Variants in TTBK2 observed in about 807,000 individuals in gnomAD.
TTBK2 encodes tau tubulin kinase 2.
A neutral mutation model predicts 110.8 loss-of-function variants in TTBK2; 28 were observed. The observed-to-expected ratio is 0.25, with a 90% CI of 0.19 to 0.35. The LOEUF is 0.35. Ranked by LOEUF, TTBK2 falls within the 10% of genes least tolerant of loss-of-function variation. The probability of loss-of-function intolerance (pLI) is 1.00; values close to 1 mark genes in which losing one functional copy is unlikely to be tolerated. For synonymous variants in TTBK2, 532 were observed against 527.3 expected (o/e 1.01, Z -0.12); for missense variants, 1,369 against 1,500.3 (o/e 0.91, Z 1.45).
intron 3 of TTBK2, among the ~76,000 whole-genome samples, chr15:42,851,007 C>G (rs554145062): frequency 4.6e-5 from 7 of 151,446 alleles, no homozygotes; most frequent in African/African-American, 1.7e-4. Flanking sequence ...GGGTGGATCA[C>G]GAGGTCAGGA....
At chr15:42,908,244 G>C (rs2030528728) in intron 1 of TTBK2, 1 of 152,254 alleles carries the variant, frequency 6.6e-6, no homozygotes, top group Admixed American at 6.5e-5. Flanking sequence ...GGGAAGTTGA[G>C]GTGGGAAGAC....
intron 2 of TTBK2, among the ~76,000 whole-genome samples, chr15:42,875,673 G>A (rs769725758): frequency 1.3e-5 from 2 of 151,980 alleles, no homozygotes; most frequent in Non-Finnish European, 2.9e-5. Context: ...TTGGGAGGTC[G>A]AGTCAGGTGA....
At chr15:42,837,229 G>A (rs555978196) in intron 4 of TTBK2, among the ~76,000 whole-genome samples, 98 of 151,700 alleles carry the variant, frequency 6.5e-4, no homozygotes, top group East Asian at 1.9e-4. Context: ...GTGGCGGCGC[G>A]CACCTGCAGT....
chr15:42,763,186 ATATATATTTTTTTTTTTTTTTTTT>A (rs1889171707), intron 13 of TTBK2, among the ~76,000 whole-genome samples: 2 of 24,368 alleles, frequency 8.2e-5, no homozygotes, highest in Admixed American at 7.6e-4. Context: ...ATATATATAT[ATATATATTTTTTTTTTTTTTTTTT>A]TTTTTTTTTT....
intron 3 of TTBK2, among the ~76,000 whole-genome samples, chr15:42,870,914 A>C (rs756869481): frequency 6.6e-6 from 1 of 152,324 alleles, no homozygotes; most frequent in Middle Eastern, 3.4e-3. Flanking sequence ...CATCAATTTA[A>C]AAATCAACAA....
intron 3 of TTBK2, 32 bp from the exon 4 acceptor site, chr15:42,840,465 T>C: frequency 6.4e-7 from 1 of 1,565,822 alleles, no homozygotes; most frequent in Non-Finnish European, 8.8e-7. Context: ...TGGAAAAGAA[T>C]ATACTATGGT....
intron 2 of TTBK2, among the ~76,000 whole-genome samples, chr15:42,877,573 G>C (rs1049577376): frequency 7.2e-5 from 11 of 152,130 alleles, no homozygotes; most frequent in Non-Finnish European, 1.6e-4. Context: ...GTTTTATTTG[G>C]ATCTTGATTC....
In TTBK2 at chr15:42,811,585, A is replaced by T. The variant is rs1891722985; in HGVS notation, c.696+103T>A. On this transcript the variant is annotated intron_variant, in intron 8 of 14. Transcript: ENST00000267890. The stretch of plus-strand genomic sequence containing the variant: ...ATTGGGACATAGTGAAAATGCTTGT[A>T]GATTTTAAGTCTTATACATAAGTAT... 1.9e-5 allele frequency: 16 copies of T among 863,858 alleles called. No individual in the cohort carries two copies. In the South Asian group the frequency reaches 2.2e-4, roughly 12 times the overall value. The allele number at this position is 863,858 out of a possible 1,614,324, so 53.5% of individuals were successfully genotyped here. A position where few individuals can be genotyped will look rare whatever the true frequency, so the allele number is the denominator to read the frequency against.
intron 3 of TTBK2, among the ~76,000 whole-genome samples, chr15:42,841,040 G>A (rs1893199153): frequency 6.6e-6 from 1 of 152,072 alleles, no homozygotes; most frequent in South Asian, 2.1e-4. Flanking sequence ...ATTGGTTAGT[G>A]TTTTTCAACC....
Position 42,775,361 on chromosome 15 carries a change from G to A in TTBK2, c.1772C>T (p.Ala591Val). 1.9e-6 allele frequency: 3 copies of A among 1,614,224 alleles called. No individual in the cohort carries two copies. The highest frequency in any genetic ancestry group is 1.7e-6 in the Non-Finnish European group (2 of 1,180,040). ...CTGGAGCTTTTCATCTTGAGGTGATGCCTCCAGGACTTGAAGTACTTCAGG... is the reference window on the plus strand; with the variant it reads ...CTGGAGCTTTTCATCTTGAGGTGATACCTCCAGGACTTGAAGTACTTCAGG... ...EEPEVLQVLEASPQDEKLQLG... is the reference protein window; with the variant it reads ...EEPEVLQVLEVSPQDEKLQLG... The change falls in exon 13 of 15, where the codon GCA (alanine) becomes GTA (valine). Residue 591 changes from alanine (A) to valine (V), a missense_variant. Physicochemically the swap from Ala to Val is moderately conservative, Grantham distance 64 (BLOSUM62 0). Around this residue, in one of 4 missense-constraint regions of TTBK2, gnomAD observed 1,097 missense variants for 1,114.7 expected, o/e 0.98. Transcript: ENST00000267890.
chr15:42,894,530 T>C (rs981535152), intron 1 of TTBK2, among the ~76,000 whole-genome samples: 2 of 152,098 alleles, frequency 1.3e-5, no homozygotes, highest in Non-Finnish European at 2.9e-5. Context: ...GGCGGGTGGA[T>C]TTCTTGAGCC....
intron 4 of TTBK2, among the ~76,000 whole-genome samples, chr15:42,832,731 C>T (rs1430534091): frequency 2.0e-5 from 3 of 152,120 alleles, no homozygotes; most frequent in Non-Finnish European, 2.9e-5. Context: ...CATCCTGCTC[C>T]GTCAGGCCCA....
chr15:42,765,432 T>C (rs556505380), intron 13 of TTBK2, among the ~76,000 whole-genome samples: 13 of 152,284 alleles, frequency 8.5e-5, no homozygotes, highest in African/African-American at 3.1e-4. Flanking sequence ...AATGACCTGA[T>C]GGAGCTGAAA....
At chr15:42,855,517 T>G (rs1187606136) in intron 3 of TTBK2, among the ~76,000 whole-genome samples, 1 of 152,192 alleles carries the variant, frequency 6.6e-6, no homozygotes, top group Non-Finnish European at 1.5e-5. Context: ...CAGAAGCCAA[T>G]GCAAAAGAGC....
chr15:42,879,863 T>G (rs942896112), intron 1 of TTBK2, among the ~76,000 whole-genome samples: 1 of 151,810 alleles, frequency 6.6e-6, no homozygotes, highest in South Asian at 2.1e-4. Context: ...CAGATGTGGT[T>G]GCATGTACTC....
At chr15:42,779,591 G>C (rs1890093417) in intron 11 of TTBK2, among the ~76,000 whole-genome samples, 1 of 152,308 alleles carries the variant, frequency 6.6e-6, no homozygotes, top group Admixed American at 6.5e-5. Context: ...ATTTCCGGAA[G>C]AAAGATGAGC....
intron 1 of TTBK2, among the ~76,000 whole-genome samples, chr15:42,886,102 T>C (rs181233494): frequency 5.9e-5 from 9 of 152,284 alleles, no homozygotes; most frequent in African/African-American, 1.9e-4. Context: ...CTTCTTTCTG[T>C]CCTATCTGTT....
At position 42,845,317 on chromosome 15, in the gene TTBK2, G is replaced by A. The variant is rs562260311; in HGVS notation, c.218-4884C>T. Among the ~76,000 whole-genome samples, 18 of 152,200 alleles carry A rather than the reference G, an allele frequency of 1.2e-4. No homozygotes were observed. The Middle Eastern group carries it at 0.014, about 115-fold the overall frequency. On this transcript the variant is annotated intron_variant, in intron 3 of 14. Coordinates refer to ENST00000267890, the MANE Select transcript of TTBK2 (RefSeq NM_173500.4). ...GTCCCTTGGTATCCATGGAGGACTG[G>A]TTCCAAGACCTTCCTTGGATACCAA...
intron 3 of TTBK2, among the ~76,000 whole-genome samples, chr15:42,863,748 ACAGGTTAGAGAAC>A (rs1396885532): frequency 6.6e-6 from 1 of 152,206 alleles, no homozygotes; most frequent in Non-Finnish European, 1.5e-5. Flanking sequence ...GACCAATGGA[ACAGGTTAGAGAAC>A]CCAGAAATAA....
Sources: gnomAD v4.1 joint callset for allele counts (sites outside exome capture counted in the v4.1 genomes callset) on GRCh38, gnomAD v4.1.1 for gene constraint, gnomAD v4.1.1 regional missense constraint, MANE v1.5 for transcripts, NCBI Gene and HGNC (gene_info 2026-07-23, HGNC 2026-07-21) for gene names.